TAS2R1: variants seen among roughly 807,000 people sequenced by gnomAD.
TAS2R1 encodes the protein taste receptor type 2 member 1.
For missense variants in TAS2R1, 370 were observed against 353.4 expected (o/e 1.05, Z -0.38); for synonymous variants, 141 against 134.2 (o/e 1.05, Z -0.35).
At chr5:9,825,127 A>G in the TAS2R1 span, among the ~76,000 whole-genome samples, 1 of 152,242 alleles carries the variant, frequency 6.6e-6, no homozygotes, top group African/African-American at 2.4e-5. Flanking sequence ...CTGATATAAA[A>G]TAGCAATGTC....
the TAS2R1 span, among the ~76,000 whole-genome samples, chr5:9,773,743 A>G: frequency 6.6e-6 from 1 of 152,016 alleles, no homozygotes; most frequent in African/African-American, 2.4e-5. Context: ...ATGTCATGCC[A>G]CTCTCTCCTG....
chr5:9,831,668 T>C, the TAS2R1 span, among the ~76,000 whole-genome samples: 1 of 152,124 alleles, frequency 6.6e-6, no homozygotes, highest in South Asian at 2.1e-4. Context: ...AAAACTAGGC[T>C]TATTATACTC....
the TAS2R1 span, among the ~76,000 whole-genome samples, chr5:9,768,752 T>C: frequency 2.6e-5 from 4 of 152,344 alleles, no homozygotes; most frequent in African/African-American, 7.2e-5. Flanking sequence ...AGAAAACATG[T>C]TGACTAATTG....
chr5:9,633,319 T>TATATATATATATATATATATAC (rs1475834697), upstream of TAS2R1, among the ~76,000 whole-genome samples: 9 of 137,516 alleles, frequency 6.5e-5, no homozygotes, highest in East Asian at 2.4e-4. Context: ...TATATATATA[T>TATATATATATATATATATATAC]ACACAAATGT....
chr5:9,778,143 G>A, the TAS2R1 span, among the ~76,000 whole-genome samples: 3 of 151,752 alleles, frequency 2.0e-5, no homozygotes, highest in African/African-American at 7.3e-5. Flanking sequence ...GCCTCCCAAA[G>A]TGCTGGGATT....
chr5:9,764,641 C>T, the TAS2R1 span, among the ~76,000 whole-genome samples: 1 of 152,098 alleles, frequency 6.6e-6, no homozygotes, highest in African/African-American at 2.4e-5. Context: ...ACATTGTCAC[C>T]CTTAAAGACA....
the TAS2R1 span, among the ~76,000 whole-genome samples, chr5:9,813,476 AGC>A: frequency 1.3e-5 from 2 of 152,276 alleles, no homozygotes; most frequent in Admixed American, 6.5e-5. Context: ...CTAGACTTGC[AGC>A]AGCTATCTTG....
At chr5:9,868,517 A>AG in the TAS2R1 span, among the ~76,000 whole-genome samples, 2 of 152,158 alleles carry the variant, frequency 1.3e-5, no homozygotes, top group Non-Finnish European at 2.9e-5. Context: ...TGCACACAGC[A>AG]GGGGGGCCCT....
the TAS2R1 span, among the ~76,000 whole-genome samples, chr5:9,855,278 G>C: frequency 1.3e-5 from 2 of 152,202 alleles, no homozygotes; most frequent in African/African-American, 4.8e-5. Context: ...CTGGGAGCCT[G>C]ACTTTCTAGT....
chr5:9,890,973 A>ATCC, the TAS2R1 span, among the ~76,000 whole-genome samples: 3 of 152,120 alleles, frequency 2.0e-5, no homozygotes, highest in Non-Finnish European at 4.4e-5. Context: ...TACCACAACC[A>ATCC]TCCTCAAAGT....
chr5:9,850,341 C>T, the TAS2R1 span, among the ~76,000 whole-genome samples: 1 of 152,246 alleles, frequency 6.6e-6, no homozygotes, highest in African/African-American at 2.4e-5. Context: ...AAGCACAGAA[C>T]ACATGACTTT....
At chr5:9,659,204 C>T (rs575136816) in intron 2 of TAS2R1, among the ~76,000 whole-genome samples, 3 of 152,266 alleles carry the variant, frequency 2.0e-5, no homozygotes, top group South Asian at 2.1e-4. Flanking sequence ...ACCCTACACC[C>T]GTGTGACCCA....
intron 1 of TAS2R1, among the ~76,000 whole-genome samples, chr5:9,676,338 AACTG>A (rs574489890): frequency 1.5e-3 from 232 of 152,288 alleles, no homozygotes; most frequent in African/African-American, 5.3e-3. Flanking sequence ...AAAGCTGGAG[AACTG>A]ACTGACTTCA....
At chr5:9,773,188 T>C in the TAS2R1 span, among the ~76,000 whole-genome samples, 1 of 152,128 alleles carries the variant, frequency 6.6e-6, no homozygotes, top group Non-Finnish European at 1.5e-5. Flanking sequence ...CATATGTTTT[T>C]TGATTTGAGG....
the TAS2R1 span, among the ~76,000 whole-genome samples, chr5:9,779,967 A>G: frequency 6.6e-6 from 1 of 152,216 alleles, no homozygotes; most frequent in South Asian, 2.1e-4. Context: ...ACAATTCAAC[A>G]AACACTGCTA....
At chr5:9,643,055 T>A (rs1439678316) in intron 2 of TAS2R1, among the ~76,000 whole-genome samples, 2 of 151,860 alleles carry the variant, frequency 1.3e-5, no homozygotes, top group Non-Finnish European at 2.9e-5. Context: ...CCTCTCTTCC[T>A]CCTTCCCTCC....
At chr5:9,890,819 G>A in the TAS2R1 span, among the ~76,000 whole-genome samples, 3 of 152,152 alleles carry the variant, frequency 2.0e-5, no homozygotes, top group Non-Finnish European at 4.4e-5. Context: ...ATAACCACGT[G>A]TCAACTTTAA....
At chr5:9,776,993 T>A in the TAS2R1 span, among the ~76,000 whole-genome samples, 1 of 152,230 alleles carries the variant, frequency 6.6e-6, no homozygotes, top group Non-Finnish European at 1.5e-5. Context: ...TAAAAATACT[T>A]TTTTGATAAA....
chr5:9,763,822 C>T, the TAS2R1 span, among the ~76,000 whole-genome samples: 3 of 152,168 alleles, frequency 2.0e-5, no homozygotes, highest in African/African-American at 7.2e-5. Context: ...GGGAAATAAA[C>T]GTAAAACAGG....
Sources: allele counts gnomAD v4.1 joint callset (sites outside exome capture counted in the v4.1 genomes callset), GRCh38; gene constraint gnomAD v4.1.1; transcripts MANE v1.5; gene names NCBI Gene and HGNC (gene_info 2026-07-23, HGNC 2026-07-21).